KCNH8: variants seen among roughly 807,000 people sequenced by gnomAD.
KCNH8 encodes potassium voltage-gated channel subfamily H member 8, also known as voltage-gated delayed rectifier potassium channel KCNH8.
Under a neutral mutation model 103.6 loss-of-function variants are expected in KCNH8, and 70 were observed. The observed-to-expected ratio is 0.68, with a 90% CI of 0.56 to 0.82. The LOEUF (loss-of-function observed/expected upper bound fraction) is 0.82. KCNH8 is among the 40% of genes least tolerant of loss of function. The pLI, the probability that KCNH8 is intolerant of heterozygous loss-of-function variation, is 0.00. For synonymous variants in KCNH8, 498 were observed against 489.4 expected (o/e 1.02, Z -0.23); for missense variants, 1,217 against 1,329.9 (o/e 0.92, Z 1.32).
intron 11 of KCNH8, among the ~76,000 whole-genome samples, chr3:19,497,647 T>C (rs2068472925): frequency 6.6e-6 from 1 of 152,154 alleles, no homozygotes. Flanking sequence ...CTGAGGGTTA[T>C]TTTATGTCTG....
At chr3:19,343,528 A>C (rs961528456) in intron 4 of KCNH8, among the ~76,000 whole-genome samples, 1 of 152,096 alleles carries the variant, frequency 6.6e-6, no homozygotes, top group Non-Finnish European at 1.5e-5. Context: ...TGGAATCATC[A>C]GAACATGTAT....
At chr3:19,288,325 C>T (rs2064866565) in intron 3 of KCNH8, among the ~76,000 whole-genome samples, 1 of 151,084 alleles carries the variant, frequency 6.6e-6, no homozygotes, top group Non-Finnish European at 1.5e-5. Context: ...GTGTGCTGCA[C>T]CCATTAACTC....
In KCNH8 at chr3:19,295,939, A is replaced by G. The variant is rs978447941; in HGVS notation, c.442+14610A>G. Among the ~76,000 whole-genome samples, 8 of 152,268 alleles carry G rather than the reference A, an allele frequency of 5.3e-5. No individual in the cohort carries two copies. In the East Asian group the frequency reaches 1.4e-3, roughly 26 times the overall value. ...GGATTTTGAGTCTAGTTTCTGCCCC[A>G]TGCTTCAGTAAAAATAAGCTTTGCA... is the stretch of plus-strand genomic sequence containing the variant. On this transcript the variant is annotated intron_variant, in intron 3 of 15. Transcript: ENST00000328405.
chr3:19,296,083 A>G (rs565841462), intron 3 of KCNH8, among the ~76,000 whole-genome samples: 1 of 152,302 alleles, frequency 6.6e-6, no homozygotes, highest in East Asian at 1.9e-4. Flanking sequence ...ACATAGATTT[A>G]TATATATTTA....
At chr3:19,306,960 A>G (rs1394896147) in intron 3 of KCNH8, among the ~76,000 whole-genome samples, 3 of 152,048 alleles carry the variant, frequency 2.0e-5, no homozygotes, top group Non-Finnish European at 4.4e-5. Context: ...ACACTAGCAG[A>G]CCTCAAAGTA....
At chr3:19,483,241 T>C (rs1223186866) in intron 11 of KCNH8, among the ~76,000 whole-genome samples, 1 of 152,148 alleles carries the variant, frequency 6.6e-6, no homozygotes, top group Non-Finnish European at 1.5e-5. Flanking sequence ...GGCTGTCCAG[T>C]CCTGGTGGGA....
At chr3:19,254,249 A>C (rs897212327) in intron 2 of KCNH8, among the ~76,000 whole-genome samples, 1 of 152,116 alleles carries the variant, frequency 6.6e-6, no homozygotes, top group East Asian at 1.9e-4. Context: ...AGTATTTCTC[A>C]AATTTTATGC....
Position 19,535,630 on chromosome 3 carries a change from G to GTATC in KCNH8, c.*1534_*1537dup, listed in dbSNP as rs2069249089. 3 of 152,120 alleles carry GTATC rather than the reference G, an allele frequency of 2.0e-5. No homozygotes were observed. The highest frequency in any genetic ancestry group is 6.6e-5 in the Admixed American group (1 of 15,264). 9.4% of individuals were successfully genotyped at this position (152,120 alleles called of 1,614,324 possible). A position where few individuals can be genotyped will look rare whatever the true frequency, so the allele number is the denominator to read the frequency against. On this transcript the variant is annotated 3_prime_UTR_variant, in exon 16 of 16. Transcript: ENST00000328405. ...TAATCTGAGAATTGTATCATTAAAA[G>GTATC]TATCTAAACACACCAAGACTTCTGA...
At chr3:19,301,546 T>C (rs1288919195) in intron 3 of KCNH8, among the ~76,000 whole-genome samples, 1 of 152,298 alleles carries the variant, frequency 6.6e-6, no homozygotes, top group East Asian at 1.9e-4. Context: ...ATTGTGTCTC[T>C]ACTCATAGAA....
intron 1 of KCNH8, among the ~76,000 whole-genome samples, chr3:19,150,250 G>A (rs995786106): frequency 1.3e-5 from 2 of 152,056 alleles, no homozygotes; most frequent in Non-Finnish European, 2.9e-5. Context: ...CCACTGAAGC[G>A]CCACACAAAA....
At chr3:19,220,132 G>C (rs2063857856) in intron 1 of KCNH8, among the ~76,000 whole-genome samples, 1 of 152,188 alleles carries the variant, frequency 6.6e-6, no homozygotes, top group African/African-American at 2.4e-5. Flanking sequence ...TTTGTTATCA[G>C]CCTCTACCTC....
At chr3:19,245,420 A>C (rs1334058048) in intron 1 of KCNH8, among the ~76,000 whole-genome samples, 1 of 152,154 alleles carries the variant, frequency 6.6e-6, no homozygotes, top group Admixed American at 6.6e-5. Context: ...CTTTATGCTT[A>C]AGATTATTTT....
intron 5 of KCNH8, among the ~76,000 whole-genome samples, chr3:19,351,473 GGC>G (rs2065801299): frequency 6.6e-6 from 1 of 152,082 alleles, no homozygotes; most frequent in Non-Finnish European, 1.5e-5. Context: ...AAATGTTAAA[GGC>G]AACCAGAGAG....
chr3:19,437,893 T>TGCATTAGA (rs1231729334), intron 7 of KCNH8, among the ~76,000 whole-genome samples: 5 of 152,236 alleles, frequency 3.3e-5, no homozygotes, highest in Admixed American at 2.6e-4. Flanking sequence ...GTTTGTTTCT[T>TGCATTAGA]GCATTAGAGT....
intron 1 of KCNH8, among the ~76,000 whole-genome samples, chr3:19,239,677 T>TCTAC (rs1553627711): frequency 2.7e-5 from 4 of 145,700 alleles, no homozygotes. Flanking sequence ...TATCTATCTA[T>TCTAC]CTATCTACCT....
chr3:19,474,024 C>T (rs538653109), intron 11 of KCNH8, among the ~76,000 whole-genome samples: 8 of 152,106 alleles, frequency 5.3e-5, no homozygotes, highest in Non-Finnish European at 8.8e-5. Context: ...GAGGCTGTGC[C>T]AGGATAATAA....
chr3:19,326,356 AATATATATATATAT>A (rs34714826), intron 3 of KCNH8, among the ~76,000 whole-genome samples: 2 of 135,766 alleles, frequency 1.5e-5, no homozygotes, highest in South Asian at 2.4e-4. Context: ...ATGAAAGTTA[AATATATATATATAT>A]ATATATATAT....
chr3:19,304,857 T>C (rs1172728600), intron 3 of KCNH8, among the ~76,000 whole-genome samples: 2 of 152,014 alleles, frequency 1.3e-5, no homozygotes, highest in Admixed American at 1.3e-4. Context: ...TATCTATCAA[T>C]TTAAAGGCAA....
intron 3 of KCNH8, among the ~76,000 whole-genome samples, chr3:19,304,440 A>G (rs1333706098): frequency 6.6e-6 from 1 of 152,138 alleles, no homozygotes; most frequent in African/African-American, 2.4e-5. Flanking sequence ...CAAAAAAATA[A>G]CAAAGCTAAA....
Sources: allele counts gnomAD v4.1 joint callset (sites outside exome capture counted in the v4.1 genomes callset), GRCh38; gene constraint gnomAD v4.1.1; transcripts MANE v1.5; gene names NCBI Gene and HGNC (gene_info 2026-07-23, HGNC 2026-07-21).